The following GALNT14 variants were observed in gnomAD, a reference collection of about 807,000 sequenced individuals.
GALNT14 encodes polypeptide N-acetylgalactosaminyltransferase 14, also known as UDP-GalNAc:polypeptide N-acetylgalactosaminyltransferase 14.
Under a neutral mutation model 77.5 loss-of-function variants are expected in GALNT14, and 60 were observed. The observed-to-expected ratio is 0.77, with a 90% CI of 0.63 to 0.96. GALNT14 has a LOEUF of 0.96. Among genes scored for constraint, GALNT14 ranks in the 40% least tolerant of loss-of-function variants. The pLI is 0.00. For synonymous variants in GALNT14, 280 were observed against 281.7 expected (o/e 0.99, Z 0.06); for missense variants, 710 against 731.0 (o/e 0.97, Z 0.33).
chr2:30,910,869 C>A lies in GALNT14; in HGVS notation c.*32G>T, dbSNP rs747479883. On this transcript the variant is annotated 3_prime_UTR_variant, in exon 15 of 15. Transcript: ENST00000349752. ...CTGTTCTGGTCCAGGGAAGCACCACCCCATGGCCCTTGCTGCTTCTGGCAG... is the reference window on the plus strand; with the variant it reads ...CTGTTCTGGTCCAGGGAAGCACCACACCATGGCCCTTGCTGCTTCTGGCAG... 5 of 1,609,268 alleles carry A rather than the reference C, an allele frequency of 3.1e-6. No individual in the cohort carries two copies. The African/African-American group carries it at 5.3e-5, about 17-fold the overall frequency.
chr2:31,012,521 C>T (rs1671095939), intron 1 of GALNT14, among the ~76,000 whole-genome samples: 1 of 152,206 alleles, frequency 6.6e-6, no homozygotes, highest in Admixed American at 6.5e-5. Context: ...CACCTCACTC[C>T]ACCAAGGCCC....
intron 1 of GALNT14, among the ~76,000 whole-genome samples, chr2:31,080,381 A>T (rs1045453501): frequency 6.6e-6 from 1 of 152,216 alleles, no homozygotes; most frequent in Admixed American, 6.5e-5. Context: ...TTTTGTTGAA[A>T]TTCCAGTTCA....
In GALNT14 at chr2:30,940,623, C is replaced by A. The variant is rs115231344; in HGVS notation, c.931+1578G>T. 5.3e-3 allele frequency among the ~76,000 whole-genome samples: 813 copies of A among 152,280 alleles called. 6 individuals carry two copies. Among genetic ancestry groups the A allele is most frequent in the African/African-American group, 0.019 (771 of 41,552 alleles). On this transcript the variant is annotated intron_variant, in intron 9 of 14. Transcript: ENST00000349752. Reference sequence around the variant, plus strand: ...ATTCATCTGATGGCTGAGAGAAAGGCTGGAACAAATCACTAACTATAAGAA... The same window carrying A: ...ATTCATCTGATGGCTGAGAGAAAGGATGGAACAAATCACTAACTATAAGAA...
chr2:31,111,598 C>CAA (rs137928169), intron 1 of GALNT14, among the ~76,000 whole-genome samples: 3 of 151,992 alleles, frequency 2.0e-5, no homozygotes, highest in African/African-American at 4.8e-5. Context: ...CCACAAATTG[C>CAA]AAAAAAAGCT....
At chr2:30,896,474 G>A in the GALNT14 span, among the ~76,000 whole-genome samples, 1 of 152,130 alleles carries the variant, frequency 6.6e-6, no homozygotes, top group African/African-American at 2.4e-5. Flanking sequence ...TACTTAACCC[G>A]CTTGGTTCTC....
chr2:31,127,591 G>A (rs1471247997), intron 1 of GALNT14, among the ~76,000 whole-genome samples: 1 of 152,170 alleles, frequency 6.6e-6, no homozygotes, highest in Non-Finnish European at 1.5e-5. Flanking sequence ...AAGTTTGCCT[G>A]CTCTAATTCA....
intron 1 of GALNT14, among the ~76,000 whole-genome samples, chr2:31,000,047 C>T (rs541903611): frequency 1.3e-5 from 2 of 152,198 alleles, no homozygotes; most frequent in Non-Finnish European, 2.9e-5. Flanking sequence ...TCTGCACTTC[C>T]ACTGTCCAGG....
intron 1 of GALNT14, among the ~76,000 whole-genome samples, chr2:31,101,801 C>T (rs1233088049): frequency 6.6e-6 from 1 of 151,990 alleles, no homozygotes; most frequent in Non-Finnish European, 1.5e-5. Context: ...TCCCATAATC[C>T]CCACACATTG....
chr2:31,081,897 G>T (rs1322994402), intron 1 of GALNT14, among the ~76,000 whole-genome samples: 1 of 151,918 alleles, frequency 6.6e-6, no homozygotes, highest in African/African-American at 2.4e-5. Context: ...GATTTTAATC[G>T]AGCCCACCCT....
At chr2:31,031,184 C>T (rs1672387721) in intron 1 of GALNT14, among the ~76,000 whole-genome samples, 1 of 152,126 alleles carries the variant, frequency 6.6e-6, no homozygotes, top group South Asian at 2.1e-4. Context: ...ATTTGGATGC[C>T]ATGTGATCAC....
At chr2:31,046,329 C>T (rs940743348) in intron 1 of GALNT14, among the ~76,000 whole-genome samples, 6 of 151,294 alleles carry the variant, frequency 4.0e-5, no homozygotes, top group Admixed American at 1.3e-4. Flanking sequence ...TGGGTTCAAG[C>T]GATTCTCCTG....
At chr2:30,929,765 G>T (rs886611440) in intron 10 of GALNT14, among the ~76,000 whole-genome samples, 1 of 152,350 alleles carries the variant, frequency 6.6e-6, no homozygotes, top group Non-Finnish European at 1.5e-5. Flanking sequence ...TGGATTTGGG[G>T]TTTTTTAAAT....
In GALNT14 at chr2:30,932,065, T is replaced by C; in HGVS notation, c.1058+3A>G. On this transcript the variant is annotated splice_donor_region_variant and intron_variant, in intron 10 of 14. Coordinates refer to ENST00000349752, the MANE Select transcript of GALNT14 (RefSeq NM_024572.4). ...CACCCGCGCTGAGCCCCTGGGCACT[T>C]ACTTTATATACGTGTTGGCATTTCC... is the stretch of plus-strand genomic sequence containing the variant. The C allele has an allele frequency of 6.5e-7, 1 of 1,531,276 alleles. No individual in the cohort carries two copies. The highest frequency in any genetic ancestry group is 8.8e-7 in the Non-Finnish European group (1 of 1,137,246). The allele number at this position is 1,531,276 out of a possible 1,614,324, so 94.9% of individuals were successfully genotyped here.
the GALNT14 span, among the ~76,000 whole-genome samples, chr2:30,903,698 T>G: frequency 1.3e-5 from 2 of 152,236 alleles, no homozygotes; most frequent in African/African-American, 4.8e-5. Flanking sequence ...AGGATCTCAC[T>G]AAGATATGCC....
intron 1 of GALNT14, among the ~76,000 whole-genome samples, chr2:31,100,609 A>G (rs1677222066): frequency 6.6e-6 from 1 of 151,976 alleles, no homozygotes; most frequent in South Asian, 2.1e-4. Flanking sequence ...TACTAATAGC[A>G]TAGATCCTTG....
intron 1 of GALNT14, among the ~76,000 whole-genome samples, chr2:31,059,584 G>T (rs1207027510): frequency 6.6e-6 from 1 of 152,162 alleles, no homozygotes; most frequent in Non-Finnish European, 1.5e-5. Flanking sequence ...CACATGCCTT[G>T]AGTCCCAGCT....
At chr2:30,987,631 G>A (rs1045038090) in intron 2 of GALNT14, among the ~76,000 whole-genome samples, 2 of 152,118 alleles carry the variant, frequency 1.3e-5, no homozygotes, top group Non-Finnish European at 2.9e-5. Flanking sequence ...CTTGTAAGGG[G>A]TCCACACCGC....
chr2:31,060,054 T>C (rs1462655674), intron 1 of GALNT14, among the ~76,000 whole-genome samples: 1 of 152,152 alleles, frequency 6.6e-6, no homozygotes, highest in African/African-American at 2.4e-5. Flanking sequence ...CATTTCACAG[T>C]CATTAATTCC....
At chr2:30,951,675 C>G (rs142144429) in intron 6 of GALNT14, among the ~76,000 whole-genome samples, 2 of 152,350 alleles carry the variant, frequency 1.3e-5, no homozygotes, top group Non-Finnish European at 2.9e-5. Context: ...CACGTGCACA[C>G]ATACACACAT....
Sources: gnomAD v4.1 joint callset for allele counts (sites outside exome capture counted in the v4.1 genomes callset) on GRCh38, gnomAD v4.1.1 for gene constraint, MANE v1.5 for transcripts, NCBI Gene and HGNC (gene_info 2026-07-23, HGNC 2026-07-21) for gene names.